The following PLIN5 variants were observed in gnomAD, a reference collection of about 807,000 sequenced individuals.
The protein encoded by PLIN5 is perilipin 5.
PLIN5 carries 34 observed loss-of-function variants against 32.8 expected under a neutral mutation model. That is an observed-to-expected ratio of 1.04 (90% CI 0.79 to 1.38). PLIN5 has a LOEUF of 1.38. Ranked by LOEUF, PLIN5 falls within the 40% of genes most tolerant of loss-of-function variation. PLIN5 has a pLI of 0.00. For synonymous variants in PLIN5, 309 were observed against 292.9 expected, an observed-to-expected ratio of 1.05 and a Z score of -0.56; for missense variants, 712 against 660.5, an observed-to-expected ratio of 1.08 and a Z score of -0.85.
At chr19:4,532,978 T>A (rs1378711275) in intron 2 of PLIN5, 1 of 151,890 alleles carries the variant, frequency 6.6e-6, no homozygotes, top group African/African-American at 2.4e-5. Context: ...AAATACTATA[T>A]TTTTTTTATC....
intron 1 of PLIN5, 144 bp from the exon 2 acceptor site, chr19:4,534,239 A>G: frequency 1.5e-6 from 1 of 683,366 alleles, no homozygotes; most frequent in African/African-American, 1.8e-5. Context: ...GAGCTCAGAC[A>G]ATGCATGTCC....
Position 4,524,955 on chromosome 19 carries a change from G to A in PLIN5, c.834+8C>T, listed in dbSNP as rs534129362. The A allele has an allele frequency of 9.2e-6, 14 of 1,529,666 alleles. No individual in the cohort carries two copies. The highest frequency in any genetic ancestry group is 7.0e-5 in the African/African-American group (5 of 71,064). The allele number at this position is 1,529,666 out of a possible 1,614,324, so 94.8% of individuals were successfully genotyped here. On this transcript the variant is annotated splice_region_variant and intron_variant, in intron 7 of 7. Coordinates refer to ENST00000381848, the MANE Select transcript of PLIN5 (RefSeq NM_001013706.3). ...ACACCACCTCACCTGGCACTCCTGC[G>A]GTCTCACCTGGCTCCGGCGGCGGCT...
rs1295350712 is a variant in PLIN5 at position 4,525,834 on chromosome 19, T to C, written c.521-2A>G. The C allele has an allele frequency of 6.2e-7, 1 of 1,609,420 alleles. No homozygotes were observed. The highest frequency in any genetic ancestry group is 1.7e-5 in the Admixed American group (1 of 59,484). ...CTTCAGCCTCAGCCGCCAGTGCCGCTGGAGGACAGGATACGGGGACAGCAC... is the reference window on the plus strand; with the variant it reads ...CTTCAGCCTCAGCCGCCAGTGCCGCCGGAGGACAGGATACGGGGACAGCAC... On this transcript the variant is annotated splice_acceptor_variant, in intron 5 of 7. Coordinates refer to ENST00000381848, the MANE Select transcript of PLIN5 (RefSeq NM_001013706.3). LOFTEE classifies it high-confidence loss of function. This position sits in a 1 kb window ranked among gnomAD's most constrained non-coding sequence, Gnocchi z 5.6.
At position 4,523,989 on chromosome 19, in the gene PLIN5, C is replaced by T. The variant is rs777508821; in HGVS notation, c.931G>A (p.Gly311Ser). ...ACCTCAGCCACCTTCTCCTGGGCGCCGGCGGGCAGGCCCCGCACGCTGGAC... is the reference window on the plus strand; with the variant it reads ...ACCTCAGCCACCTTCTCCTGGGCGCTGGCGGGCAGGCCCCGCACGCTGGAC... ...LESSVRGLPA[G>S]AQEKVAEVRR... is the part of the protein sequence containing the mutation. The change falls in exon 8 of 8, where the codon GGC becomes AGC. Residue 311 changes from glycine to serine, a missense_variant. By Grantham distance (56) the Gly-to-Ser change is moderately conservative. Coordinates refer to ENST00000381848, the MANE Select transcript of PLIN5 (RefSeq NM_001013706.3). This position sits in a 1 kb window ranked among gnomAD's most constrained non-coding sequence, Gnocchi z 5.0. The T allele has an allele frequency of 2.0e-5, 30 of 1,524,870 alleles. No homozygotes were observed. The highest frequency in any genetic ancestry group is 8.0e-5 in the Admixed American group (4 of 49,928). 94.5% of individuals were successfully genotyped at this position (1,524,870 alleles called of 1,614,324 possible).
Position 4,525,137 on chromosome 19 carries a change from GT to G in PLIN5, c.721-62del. 1 of 872,090 alleles carries G rather than the reference GT, an allele frequency of 1.1e-6. No individual in the cohort carries two copies. The highest frequency in any genetic ancestry group is 1.7e-6 in the Non-Finnish European group (1 of 600,294). The allele number at this position is 872,090 out of a possible 1,614,324, so 54.0% of individuals were successfully genotyped here. A position where few individuals can be genotyped will look rare whatever the true frequency, so the allele number is the denominator to read the frequency against. On this transcript the variant is annotated intron_variant, in intron 6 of 7. Transcript: ENST00000381848. The surrounding 1 kb of genome is among the most constrained non-coding windows in gnomAD (Gnocchi z 5.6). ...GGAGCTGGGGGAGCTGGGGGTCGGG[GT>G]GGGGTCCAGGACCACTGATCTGGCC...
chr19:4,525,603 C>A lies in PLIN5; in HGVS notation c.720+30G>T. 6.2e-7 allele frequency: 1 copy of A among 1,608,728 alleles called. No homozygotes were observed. The highest frequency in any genetic ancestry group is 8.5e-7 in the Non-Finnish European group (1 of 1,179,568). On this transcript the variant is annotated intron_variant, in intron 6 of 7. Coordinates refer to ENST00000381848, the MANE Select transcript of PLIN5 (RefSeq NM_001013706.3). This position sits in a 1 kb window ranked among gnomAD's most constrained non-coding sequence, Gnocchi z 5.6. ...CAATCCATACTGATTGGCCTGCATC[C>A]CGGAGCAGGGGCGGGCAGCGGGCTC...
rs1286848820 is a variant in PLIN5, at chr19:4,525,426, AC to A, written c.720+206del. Among the ~76,000 whole-genome samples the A allele has an allele frequency of 1.3e-5, 2 of 150,708 alleles. No homozygotes were observed. The highest frequency in any genetic ancestry group is 3.2e-3 in the Middle Eastern group (1 of 316). ...GCTTCTCCTTCCCCTCTTCCACAAA[AC>A]CCCTCCCTGACTCTCCAGGCAGAGC... On this transcript the variant is annotated intron_variant, in intron 6 of 7. Transcript: ENST00000381848. The surrounding 1 kb of genome is among the most constrained non-coding windows in gnomAD (Gnocchi z 5.6).
chr19:4,529,042 CAG>C, intron 5 of PLIN5, 29 bp downstream of exon 5: 1 of 1,602,686 alleles, frequency 6.2e-7, no homozygotes, highest in African/African-American at 1.3e-5. Context: ...GGGCAGGACT[CAG>C]GGGTTAGGGT....
At chr19:4,533,914 A>C in intron 2 of PLIN5, 101 bp downstream of exon 2, 1 of 1,333,314 alleles carries the variant, frequency 7.5e-7, no homozygotes, top group Non-Finnish European at 1.0e-6. Context: ...TTTCCCAGCA[A>C]GGAGAGGAGT....
rs779671791 is a variant in PLIN5, at chr19:4,529,737, C to T, written c.339+47G>A. The T allele has an allele frequency of 3.2e-6, 3 of 934,872 alleles. No individual in the cohort carries two copies. The African/African-American group carries it at 4.9e-5, about 15-fold the overall frequency. The allele number at this position is 934,872 out of a possible 1,614,324, so 57.9% of individuals were successfully genotyped here. A position where few individuals can be genotyped will look rare whatever the true frequency, so the allele number is the denominator to read the frequency against. ...TCCCTCCCTCCCTCCCGCCTCTAAT[C>T]TGGCCTGCCCCCACTGGAGGTCCCC... is the stretch of plus-strand genomic sequence containing the variant. On this transcript the variant is annotated intron_variant, in intron 4 of 7. Coordinates refer to ENST00000381848, the MANE Select transcript of PLIN5 (RefSeq NM_001013706.3).
In PLIN5 at chr19:4,523,995, G is replaced by A. The variant is rs1466109620; in HGVS notation, c.925C>T (p.Pro309Ser). 3 of 1,523,778 alleles carry A rather than the reference G, an allele frequency of 2.0e-6. No homozygotes were observed. The highest frequency in any genetic ancestry group is 1.8e-4 in the Middle Eastern group (1 of 5,558). The allele number at this position is 1,523,778 out of a possible 1,614,324, so 94.4% of individuals were successfully genotyped here. A position where few individuals can be genotyped will look rare whatever the true frequency, so the allele number is the denominator to read the frequency against. The change falls in exon 8 of 8, where the codon CCC becomes TCC. Residue 309 changes from proline (P) to serine (S), a missense_variant. Pro to Ser is a moderately conservative substitution (Grantham distance 74). Transcript: ENST00000381848. This position sits in a 1 kb window ranked among gnomAD's most constrained non-coding sequence, Gnocchi z 5.0. ...GCCACCTTCTCCTGGGCGCCGGCGGGCAGGCCCCGCACGCTGGACTCCAGA... is the reference window on the plus strand; with the variant it reads ...GCCACCTTCTCCTGGGCGCCGGCGGACAGGCCCCGCACGCTGGACTCCAGA... ...EALESSVRGL[P>S]AGAQEKVAEV...
chr19:4,525,881 C>T lies in PLIN5; in HGVS notation c.521-49G>A, dbSNP rs1318084323. 2.2e-6 allele frequency: 2 copies of T among 897,372 alleles called. No homozygotes were observed. Among genetic ancestry groups the T allele is most frequent in the East Asian group, 2.7e-5 (1 of 37,648 alleles). The allele number at this position is 897,372 out of a possible 1,614,324, so 55.6% of individuals were successfully genotyped here. On this transcript the variant is annotated intron_variant, in intron 5 of 7. Transcript: ENST00000381848. The surrounding 1 kb of genome is among the most constrained non-coding windows in gnomAD (Gnocchi z 5.6). ...GCACGGGGACAGGATACGGGGACAG[C>T]ACGGGGACAGGATACGGGGACAGCA...
chr19:4,524,996 G>A lies in PLIN5; in HGVS notation c.801C>T (p.Gly267=). 6.6e-7 allele frequency: 1 copy of A among 1,522,714 alleles called. No individual in the cohort carries two copies. Among genetic ancestry groups the A allele is most frequent in the Non-Finnish European group, 8.8e-7 (1 of 1,135,454 alleles). 94.3% of individuals were successfully genotyped at this position (1,522,714 alleles called of 1,614,324 possible). A position where few individuals can be genotyped will look rare whatever the true frequency, so the allele number is the denominator to read the frequency against. Residue 267 remains glycine (G), a synonymous_variant, in exon 7 of 8, where the codon GGC becomes GGT. Transcript: ENST00000381848. Reference sequence around the variant, plus strand: ...GGCGGCGGCTCTCCGGAGGGCGCTGGCCCCATTCCCCCCACAGCTCGTGCA... The same window carrying A: ...GGCGGCGGCTCTCCGGAGGGCGCTGACCCCATTCCCCCCACAGCTCGTGCA... ...GKVHELWGEW[G]QRPPESRRRS...
At chr19:4,529,484 A>ATG (rs1976851763) in intron 4 of PLIN5, 3 of 549,364 alleles carry the variant, frequency 5.5e-6, no homozygotes, top group East Asian at 3.0e-5. Flanking sequence ...ACATATATAC[A>ATG]CATATACACA....
rs369682147 is a variant in PLIN5, at chr19:4,525,833, C to G, written c.521-1G>C. ...CCTTCAGCCTCAGCCGCCAGTGCCG[C>G]TGGAGGACAGGATACGGGGACAGCA... On this transcript the variant is annotated splice_acceptor_variant, in intron 5 of 7. Transcript: ENST00000381848. LOFTEE classifies it high-confidence loss of function. The surrounding 1 kb of genome is among the most constrained non-coding windows in gnomAD (Gnocchi z 5.6). The G allele has an allele frequency of 1.8e-5, 29 of 1,610,654 alleles. No individual in the cohort carries two copies. The highest frequency in any genetic ancestry group is 2.2e-5 in the Non-Finnish European group (26 of 1,179,028).
In PLIN5 at chr19:4,523,644, C is replaced by T. The variant is rs776765408; in HGVS notation, c.1276G>A (p.Gly426Arg). ...CTGTCCCCATCCCCATTCCCACTCC[C>T]GTCCCTGTGCTCTGCCTCCCAGGCT... ...QRAWEAEHRD[G>R]SGNGDGDRMG... Residue 426 changes from glycine (G) to arginine (R), a missense_variant, in exon 8 of 8, where the codon GGG becomes AGG. Gly to Arg is a moderately radical substitution (Grantham distance 125). Coordinates refer to ENST00000381848, the MANE Select transcript of PLIN5 (RefSeq NM_001013706.3). This position sits in a 1 kb window ranked among gnomAD's most constrained non-coding sequence, Gnocchi z 5.0. The T allele has an allele frequency of 1.5e-5, 24 of 1,611,382 alleles. No individual in the cohort carries two copies. Among genetic ancestry groups the T allele is most frequent in the East Asian group, 1.3e-4 (6 of 44,818 alleles).
intron 1 of PLIN5, 172 bp from the exon 2 acceptor site, chr19:4,534,267 G>T: frequency 1.6e-6 from 1 of 614,380 alleles, no homozygotes. Flanking sequence ...TGTACACAGA[G>T]GGTGTCCAAT....
chr19:4,534,920 G>T (rs947971818), intron 1 of PLIN5, among the ~76,000 whole-genome samples: 14 of 152,190 alleles, frequency 9.2e-5, no homozygotes, highest in Non-Finnish European at 1.6e-4. Context: ...TACAGGGGGG[G>T]AGCTCGACCT....
Position 4,529,159 on chromosome 19 carries a change from C to G in PLIN5, c.434G>C (p.Arg145Pro), listed in dbSNP as rs375555243. 6.2e-7 allele frequency: 1 copy of G among 1,613,308 alleles called. No individual in the cohort carries two copies. The highest frequency in any genetic ancestry group is 1.7e-5 in the Admixed American group (1 of 60,020). Residue 145 changes from arginine (R) to proline (P), a missense_variant, in exon 5 of 8, where the codon CGC becomes CCC. Coordinates refer to ENST00000381848, the MANE Select transcript of PLIN5 (RefSeq NM_001013706.3). ...RGRRWSVELK[R>P]SVSHAVDVVL... Reference sequence around the variant, plus strand: ...AACATCCACAGCATGGCTCACGGAGCGCTTCAGCTCCACGCTCCAGCGCCG... The same window carrying G: ...AACATCCACAGCATGGCTCACGGAGGGCTTCAGCTCCACGCTCCAGCGCCG...
Sources: allele counts gnomAD v4.1 joint callset (sites outside exome capture counted in the v4.1 genomes callset), GRCh38; gene constraint gnomAD v4.1.1; non-coding constraint Gnocchi (gnomAD v3.1); transcripts MANE v1.5; gene names NCBI Gene and HGNC (gene_info 2026-07-23, HGNC 2026-07-21).